The following CLPSL1 variants were observed in gnomAD, a reference collection of about 807,000 sequenced individuals.
The protein encoded by CLPSL1 is colipase-like protein 1.
A neutral mutation model predicts 9.3 loss-of-function variants in CLPSL1; 13 were observed. That is an observed-to-expected ratio of 1.40 (90% CI 0.91 to 2.22). The LOEUF is 2.22. Among genes scored for constraint, CLPSL1 ranks in the 30% most tolerant of loss-of-function variants. CLPSL1 has a pLI of 0.00. For synonymous variants in CLPSL1, 58 were observed against 56.9 expected (o/e 1.02, Z -0.08); for missense variants, 164 against 146.6 (o/e 1.12, Z -0.61).
At chr6:35,793,720 T>G (rs1451014456), downstream of CLPSL1, 3 of 400,688 alleles carry the variant, frequency 7.5e-6, no homozygotes, top group Admixed American at 8.9e-5. Context: ...CAATCCTAAC[T>G]CATAAGCCTG....
intron 1 of CLPSL1, among the ~76,000 whole-genome samples, chr6:35,781,912 A>T (rs1454756462): frequency 6.6e-6 from 1 of 150,638 alleles, no homozygotes; most frequent in African/African-American, 2.4e-5. Context: ...CGCCCAGCTA[A>T]TTTTTTTTTC....
chr6:35,791,621 A>G (rs573213426), downstream of CLPSL1, among the ~76,000 whole-genome samples: 86 of 150,856 alleles, frequency 5.7e-4, no homozygotes, highest in Non-Finnish European at 3.5e-4. Flanking sequence ...AAAAAAAAAA[A>G]GAAAAAGAAA....
downstream of CLPSL1, chr6:35,788,237 G>T (rs75262440): frequency 8.1e-4 from 429 of 531,420 alleles, 4 homozygotes; most frequent in East Asian, 0.012. Context: ...GTGATATGAG[G>T]GAGGAAGCAG....
At chr6:35,791,612 A>G (rs867850389), downstream of CLPSL1, among the ~76,000 whole-genome samples, 1 of 151,826 alleles carries the variant, frequency 6.6e-6, no homozygotes, top group South Asian at 2.1e-4. Context: ...TGTCTCCAAA[A>G]AAAAAAAAAG....
chr6:35,782,499 A>C (rs1767984777), intron 1 of CLPSL1, among the ~76,000 whole-genome samples: 1 of 152,250 alleles, frequency 6.6e-6, no homozygotes. Context: ...TCAGAGAGTC[A>C]TAAGTGTTGT....
downstream of CLPSL1, among the ~76,000 whole-genome samples, chr6:35,790,816 G>C (rs1768171381): frequency 6.6e-6 from 1 of 152,258 alleles, no homozygotes; most frequent in Admixed American, 6.5e-5. Context: ...GGCAGACAAA[G>C]GAGTTCAGAA....
chr6:35,786,182 G>A (rs1448712927), intron 1 of CLPSL1, among the ~76,000 whole-genome samples: 1 of 152,144 alleles, frequency 6.6e-6, no homozygotes, highest in African/African-American at 2.4e-5. Flanking sequence ...AACCCAGGAG[G>A]TGGATGTTGC....
At chr6:35,787,833 G>T (rs373408423) in intron 2 of CLPSL1, 34 bp from the exon 3 acceptor site, 28 of 1,598,144 alleles carry the variant, frequency 1.8e-5, no homozygotes, top group Middle Eastern at 3.3e-4. Flanking sequence ...AAGAGCTGCC[G>T]CCAAGGTCGA....
intron 1 of CLPSL1, 30 bp from the exon 2 acceptor site, chr6:35,786,968 A>T: frequency 6.4e-6 from 10 of 1,557,180 alleles, no homozygotes; most frequent in Non-Finnish European, 6.9e-6. Flanking sequence ...CGGGCGGTGG[A>T]GCCTGGCGGT....
downstream of CLPSL1, among the ~76,000 whole-genome samples, chr6:35,789,505 AC>A (rs1768148604): frequency 6.6e-6 from 1 of 152,284 alleles, no homozygotes; most frequent in Admixed American, 6.5e-5. Context: ...ATATAGGGGA[AC>A]TATTACACGA....
chr6:35,788,046 C>A lies in CLPSL1; in HGVS notation c.*36C>A, dbSNP rs1442198312. ...TTCTTGCTGCCTCCTCCTCCTCCACCTGCTCTCCTCCCTACCCAGAGCTCT... is the reference window on the plus strand; with the variant it reads ...TTCTTGCTGCCTCCTCCTCCTCCACATGCTCTCCTCCCTACCCAGAGCTCT... On this transcript the variant is annotated 3_prime_UTR_variant, in exon 3 of 3. Transcript: ENST00000373861. 1 of 1,500,622 alleles carries A rather than the reference C, an allele frequency of 6.7e-7. No homozygotes were observed. The highest frequency in any genetic ancestry group is 1.7e-5 in the Admixed American group (1 of 59,744). 93.0% of individuals were successfully genotyped at this position (1,500,622 alleles called of 1,614,324 possible).
In CLPSL1 at chr6:35,783,786, C is replaced by T. The variant is rs1316107246; in HGVS notation, c.99+2577C>T. 5.0e-5 allele frequency among the ~76,000 whole-genome samples: 7 copies of T among 139,926 alleles called. No homozygotes were observed. In the East Asian group the frequency reaches 6.2e-4, roughly 12 times the overall value. The allele number at this position is 139,926 out of a possible 152,430, so 91.8% of individuals were successfully genotyped here. On this transcript the variant is annotated intron_variant, in intron 1 of 2. Coordinates refer to ENST00000373861, the MANE Select transcript of CLPSL1 (RefSeq NM_001010886.5). ...TCGCACCACTGCATTCCAGCCTGGG[C>T]GACGGCGAGACTCTATCTCCAAAAA... is the stretch of plus-strand genomic sequence containing the variant.
intron 1 of CLPSL1, among the ~76,000 whole-genome samples, chr6:35,785,706 A>G (rs2151060812): frequency 6.6e-6 from 1 of 152,250 alleles, no homozygotes. Context: ...CTGTTGAACC[A>G]TCACCTGACA....
exon 2 of CLPSL1, chr6:35,793,569 T>C (rs891961454): frequency 2.1e-6 from 1 of 471,648 alleles, no homozygotes; most frequent in African/African-American, 2.0e-5. Flanking sequence ...TGTGGCAACC[T>C]TGAAGAGAAG....
downstream of CLPSL1, among the ~76,000 whole-genome samples, chr6:35,789,127 G>A (rs1768144043): frequency 2.0e-5 from 3 of 152,274 alleles, no homozygotes; most frequent in South Asian, 6.2e-4. Flanking sequence ...ATTGTGTTAT[G>A]TGAGCTCTCC....
At chr6:35,785,376 A>C (rs2151060697) in intron 1 of CLPSL1, among the ~76,000 whole-genome samples, 2 of 151,826 alleles carry the variant, frequency 1.3e-5, no homozygotes, top group South Asian at 4.2e-4. Flanking sequence ...ACGGGGTTTC[A>C]CCGTGTTAGC....
In CLPSL1 at chr6:35,788,068, C is replaced by G. The variant is rs1490909824; in HGVS notation, c.*58C>G. The G allele has an allele frequency of 7.3e-7, 1 of 1,369,598 alleles. No homozygotes were observed. Among genetic ancestry groups the G allele is most frequent in the Non-Finnish European group, 1.0e-6 (1 of 962,520 alleles). The allele number at this position is 1,369,598 out of a possible 1,614,324, so 84.8% of individuals were successfully genotyped here. A position where few individuals can be genotyped will look rare whatever the true frequency, so the allele number is the denominator to read the frequency against. Reference sequence around the variant, plus strand: ...CACCTGCTCTCCTCCCTACCCAGAGCTCTGTGTTCACCCTGTTCCCCAGAG... The same window carrying G: ...CACCTGCTCTCCTCCCTACCCAGAGGTCTGTGTTCACCCTGTTCCCCAGAG... On this transcript the variant is annotated 3_prime_UTR_variant, in exon 3 of 3. Coordinates refer to ENST00000373861, the MANE Select transcript of CLPSL1 (RefSeq NM_001010886.5).
chr6:35,793,016 A>T (rs560973081), downstream of CLPSL1, among the ~76,000 whole-genome samples: 2 of 152,392 alleles, frequency 1.3e-5, no homozygotes, highest in African/African-American at 4.8e-5. Flanking sequence ...CAGGAGAAGG[A>T]TCTTATTCCC....
At chr6:35,793,557 C>T (rs1259679160) in exon 2 of CLPSL1, 3 of 471,704 alleles carry the variant, frequency 6.4e-6, no homozygotes, top group Non-Finnish European at 4.4e-6. Context: ...GCTGCTAAGG[C>T]ATGTGGCAAC....
Sources: allele counts gnomAD v4.1 joint callset (sites outside exome capture counted in the v4.1 genomes callset), GRCh38; gene constraint gnomAD v4.1.1; transcripts MANE v1.5; gene names NCBI Gene and HGNC (gene_info 2026-07-23, HGNC 2026-07-21).